Variants in GPC5 observed in about 807,000 individuals in gnomAD.
The protein encoded by GPC5 is glypican 5.
Under a neutral mutation model 53.9 loss-of-function variants are expected in GPC5, and 47 were observed. The observed-to-expected ratio is 0.87, with a 90% CI of 0.69 to 1.11. The LOEUF (loss-of-function observed/expected upper bound fraction) is 1.11, where lower values mean the gene tolerates loss of function less well. GPC5 is among the 50% of genes most tolerant of loss of function. The pLI is 0.00. For missense variants in GPC5, 748 were observed against 713.1 expected, an observed-to-expected ratio of 1.05 and a Z score of -0.56; for synonymous variants, 286 against 263.3, an observed-to-expected ratio of 1.09 and a Z score of -0.84.
At chr13:92,338,394 C>A (rs778507937) in intron 7 of GPC5, among the ~76,000 whole-genome samples, 36 of 152,154 alleles carry the variant, frequency 2.4e-4, no homozygotes, top group African/African-American at 8.4e-4. Context: ...GTTAAATATA[C>A]TCTTATATGT....
chr13:91,942,669 TATA>T (rs2039938694), intron 6 of GPC5, among the ~76,000 whole-genome samples: 1 of 151,938 alleles, frequency 6.6e-6, no homozygotes, highest in African/African-American at 2.4e-5. Context: ...AAAATATAGA[TATA>T]GATATACTAC....
intron 4 of GPC5, among the ~76,000 whole-genome samples, chr13:91,749,397 A>C (rs2037121169): frequency 6.6e-6 from 1 of 152,246 alleles, no homozygotes. Context: ...ATTGTGTATA[A>C]TATAGACCAC....
chr13:92,818,791 G>C (rs1036870751), intron 7 of GPC5, among the ~76,000 whole-genome samples: 1 of 151,898 alleles, frequency 6.6e-6, no homozygotes, highest in African/African-American at 2.4e-5. Context: ...TGTCTGACTA[G>C]AACAGAATGA....
At chr13:91,492,713 C>T (rs1485919642) in intron 2 of GPC5, among the ~76,000 whole-genome samples, 1 of 152,302 alleles carries the variant, frequency 6.6e-6, no homozygotes, top group East Asian at 1.9e-4. Flanking sequence ...GCTATCTGGG[C>T]ATTCTTTAGC....
At chr13:92,613,373 A>T (rs1167109969) in intron 7 of GPC5, among the ~76,000 whole-genome samples, 1 of 82,846 alleles carries the variant, frequency 1.2e-5, no homozygotes, top group Non-Finnish European at 2.1e-5. Flanking sequence ...ATTTATATAT[A>T]AATATATTAT....
Position 91,880,384 on chromosome 13 carries a change from G to A in GPC5, c.1281-27553G>A, listed in dbSNP as rs1417024382. Among the ~76,000 whole-genome samples the A allele has an allele frequency of 8.6e-5, 13 of 151,812 alleles. No individual in the cohort carries two copies. In the South Asian group the frequency reaches 1.5e-3, roughly 17 times the overall value. On this transcript the variant is annotated intron_variant, in intron 5 of 7. Transcript: ENST00000377067. ...GGGCTATTTGTTAAAGAATGAACTC[G>A]TGTATGTTTATAAATTTTTACTGTT...
intron 7 of GPC5, among the ~76,000 whole-genome samples, chr13:92,317,834 A>G (rs1374922010): frequency 1.3e-5 from 2 of 151,972 alleles, no homozygotes; most frequent in Admixed American, 1.3e-4. Flanking sequence ...TCCAGTTAAC[A>G]TTTTAGTTGG....
intron 7 of GPC5, among the ~76,000 whole-genome samples, chr13:92,250,684 TA>T (rs965988469): frequency 1.1e-4 from 16 of 152,200 alleles, no homozygotes; most frequent in Middle Eastern, 6.8e-3. Flanking sequence ...TTCATGTTTA[TA>T]AAAAATAACT....
At chr13:91,735,498 TGTAAG>T (rs754455334) in intron 4 of GPC5, among the ~76,000 whole-genome samples, 4 of 151,366 alleles carry the variant, frequency 2.6e-5, no homozygotes, top group Non-Finnish European at 5.9e-5. Context: ...TATAAAATCT[TGTAAG>T]GTAAGTCACT....
intron 2 of GPC5, among the ~76,000 whole-genome samples, chr13:91,488,804 C>A (rs1478542735): frequency 6.6e-6 from 1 of 152,218 alleles, no homozygotes; most frequent in Non-Finnish European, 1.5e-5. Flanking sequence ...GCTGGTGAGC[C>A]AGGCCAACAG....
chr13:92,594,261 C>T (rs186732839), intron 7 of GPC5, among the ~76,000 whole-genome samples: 124 of 152,268 alleles, frequency 8.1e-4, no homozygotes, highest in Middle Eastern at 3.4e-3. Flanking sequence ...CCAGATACCA[C>T]ACTTTACTTC....
intron 3 of GPC5, among the ~76,000 whole-genome samples, chr13:91,727,813 T>C (rs993841121): frequency 2.0e-5 from 3 of 152,302 alleles, no homozygotes; most frequent in African/African-American, 7.2e-5. Flanking sequence ...CCTTTTCAAT[T>C]ATACAAGGTA....
chr13:92,741,821 G>A (rs879882830), intron 7 of GPC5, among the ~76,000 whole-genome samples: 2 of 152,084 alleles, frequency 1.3e-5, no homozygotes, highest in Non-Finnish European at 2.9e-5. Context: ...CCGCCTATGA[G>A]TAAGAACACG....
At chr13:91,695,255 C>T (rs2035854968) in intron 3 of GPC5, among the ~76,000 whole-genome samples, 1 of 152,144 alleles carries the variant, frequency 6.6e-6, no homozygotes, top group Non-Finnish European at 1.5e-5. Flanking sequence ...CCCAGAACCT[C>T]TGGAAGGGAT....
At chr13:92,666,516 T>TA (rs34505854) in intron 7 of GPC5, among the ~76,000 whole-genome samples, 36,116 of 152,070 alleles carry the variant, frequency 0.24, 4,982 homozygotes, top group South Asian at 0.39. Flanking sequence ...TAATTATACA[T>TA]AATCAATATG....
At chr13:92,293,953 TG>T (rs113867492) in intron 7 of GPC5, among the ~76,000 whole-genome samples, 11,295 of 152,178 alleles carry the variant, frequency 0.074, 549 homozygotes, top group African/African-American at 0.13. Context: ...GATGATCATA[TG>T]TTTTTTTGTT....
At chr13:91,399,611 T>C (rs1405219969) in intron 1 of GPC5, among the ~76,000 whole-genome samples, 1 of 152,130 alleles carries the variant, frequency 6.6e-6, no homozygotes, top group East Asian at 1.9e-4. Context: ...GTGGAGGGAA[T>C]TGAATTGATC....
At chr13:92,169,062 A>G (rs1055803903) in intron 7 of GPC5, among the ~76,000 whole-genome samples, 1 of 152,194 alleles carries the variant, frequency 6.6e-6, no homozygotes, top group Non-Finnish European at 1.5e-5. Context: ...CATTATCCTC[A>G]GCAAACTAAC....
At position 92,574,915 on chromosome 13, in the gene GPC5, A is replaced by G. The variant is rs142121993; in HGVS notation, c.1562-291367A>G. On this transcript the variant is annotated intron_variant, in intron 7 of 7. Coordinates refer to ENST00000377067, the MANE Select transcript of GPC5 (RefSeq NM_004466.6). ...TTTTATCTCAGAATGGACCAAAAGG[A>G]AGGAAGAGAAAGGGACGCTGGAAAG... Among the ~76,000 whole-genome samples, 370 of 152,276 alleles carry G rather than the reference A, an allele frequency of 2.4e-3. 2 individuals are homozygous for G. Among genetic ancestry groups the G allele is most frequent in the African/African-American group, 8.5e-3 (355 of 41,560 alleles).
Sources: gnomAD v4.1 joint callset for allele counts (sites outside exome capture counted in the v4.1 genomes callset) on GRCh38, gnomAD v4.1.1 for gene constraint, MANE v1.5 for transcripts, NCBI Gene and HGNC (gene_info 2026-07-23, HGNC 2026-07-21) for gene names.